ATP6V1C1: variants seen among roughly 807,000 people sequenced by gnomAD.
ATP6V1C1 encodes ATPase H+ transporting V1 subunit C1, also known as V-type proton ATPase subunit C 1.
In ATP6V1C1, 45 loss-of-function variants were observed where a neutral mutation model predicts 53.9. The observed-to-expected ratio is 0.83, with a 90% CI of 0.66 to 1.07. The LOEUF is 1.07. ATP6V1C1 is among the 50% of genes least tolerant of loss of function. The probability of loss-of-function intolerance (pLI) is 0.00; values close to 1 mark genes in which losing one functional copy is unlikely to be tolerated. For synonymous variants in ATP6V1C1, 153 were observed against 155.2 expected (o/e 0.99, Z 0.11); for missense variants, 315 against 440.3 (o/e 0.72, Z 2.55).
rs927077151 is a variant in ATP6V1C1, at chr8:103,045,807, G to A, written c.201-3063G>A. Among the ~76,000 whole-genome samples, 10 of 152,130 alleles carry A rather than the reference G, an allele frequency of 6.6e-5. 1 individual carries two copies. The highest frequency in any genetic ancestry group is 4.1e-4 in the South Asian group (2 of 4,826). ...ATACAAAAAATTATCCAGGTGTGGTGGCGGGCGCCTGTAGTCCCAGCTACT... is the reference window on the plus strand; with the variant it reads ...ATACAAAAAATTATCCAGGTGTGGTAGCGGGCGCCTGTAGTCCCAGCTACT... On this transcript the variant is annotated intron_variant, in intron 3 of 12. Coordinates refer to ENST00000518738, the MANE Select transcript of ATP6V1C1 (RefSeq NM_001695.5).
chr8:103,065,345 C>T (rs533533032), intron 11 of ATP6V1C1, among the ~76,000 whole-genome samples: 40 of 151,618 alleles, frequency 2.6e-4, no homozygotes, highest in South Asian at 6.3e-4. Context: ...TCACGAGGTC[C>T]GATTGAGACC....
Position 103,053,869 on chromosome 8 carries a change from GT to G in ATP6V1C1, c.474-11del. On this transcript the variant is annotated splice_polypyrimidine_tract_variant and intron_variant, in intron 6 of 12. Transcript: ENST00000518738. ...CACATAATTATCAGCCTAATGATTT[GT>G]TTTAATTCCTCAGAGGAAGTTTGCT... is the stretch of plus-strand genomic sequence containing the variant. 1 of 1,585,960 alleles carries G rather than the reference GT, an allele frequency of 6.3e-7. No individual in the cohort carries two copies.
At chr8:103,058,027 C>G (rs2454043) in intron 8 of ATP6V1C1, among the ~76,000 whole-genome samples, 4 of 151,910 alleles carry the variant, frequency 2.6e-5, no homozygotes, top group African/African-American at 9.7e-5. Flanking sequence ...CGTGGTGCAC[C>G]CAGAATGTCC....
At chr8:103,065,739 A>T (rs1287969534) in intron 11 of ATP6V1C1, among the ~76,000 whole-genome samples, 2 of 152,014 alleles carry the variant, frequency 1.3e-5, no homozygotes, top group Non-Finnish European at 2.9e-5. Context: ...ATATTCATAT[A>T]TTACCTTAAA....
intron 1 of ATP6V1C1, among the ~76,000 whole-genome samples, chr8:103,038,916 C>T (rs1350573825): frequency 6.6e-6 from 1 of 152,142 alleles, no homozygotes; most frequent in Non-Finnish European, 1.5e-5. Context: ...TCTGACCAGA[C>T]GGGCTGTCAC....
chr8:103,028,535 G>T (rs1429651240), intron 1 of ATP6V1C1, among the ~76,000 whole-genome samples: 5 of 152,136 alleles, frequency 3.3e-5, no homozygotes, highest in Non-Finnish European at 7.4e-5. Flanking sequence ...TGAAATTTGG[G>T]TGAATTACCT....
intron 1 of ATP6V1C1, among the ~76,000 whole-genome samples, chr8:103,022,893 T>TA (rs1436059760): frequency 4.0e-5 from 6 of 151,794 alleles, no homozygotes; most frequent in Non-Finnish European, 7.4e-5. Flanking sequence ...CTACCAAAAA[T>TA]AAAAAAATAA....
At chr8:103,055,725 C>T in intron 7 of ATP6V1C1, 143 bp from the exon 8 acceptor site, 2 of 640,576 alleles carry the variant, frequency 3.1e-6, no homozygotes, top group Non-Finnish European at 2.6e-6. Context: ...AGTAGGAAAC[C>T]CGAATTTTTT....
chr8:103,059,251 C>T (rs531865680), intron 8 of ATP6V1C1, among the ~76,000 whole-genome samples: 133 of 152,168 alleles, frequency 8.7e-4, no homozygotes, highest in Non-Finnish European at 1.5e-3. Flanking sequence ...GTCAGTACCA[C>T]TTCAACCACA....
chr8:103,030,161 A>G (rs767248491), intron 1 of ATP6V1C1, among the ~76,000 whole-genome samples: 6 of 152,032 alleles, frequency 3.9e-5, no homozygotes, highest in Non-Finnish European at 8.8e-5. Flanking sequence ...TTTTTTTTAA[A>G]CAAAAATGAA....
intron 8 of ATP6V1C1, among the ~76,000 whole-genome samples, chr8:103,062,716 G>A (rs1465290890): frequency 1.3e-5 from 2 of 152,220 alleles, no homozygotes; most frequent in Non-Finnish European, 2.9e-5. Context: ...TGGAGTTAAT[G>A]TCTAATTTTG....
chr8:103,039,258 G>C (rs1304177833), intron 1 of ATP6V1C1, among the ~76,000 whole-genome samples: 1 of 152,154 alleles, frequency 6.6e-6, no homozygotes, highest in Non-Finnish European at 1.5e-5. Flanking sequence ...TCTATAAACA[G>C]TAGTTAGAAA....
chr8:103,047,464 A>ACACACAC (rs137856477), intron 3 of ATP6V1C1, among the ~76,000 whole-genome samples: 14 of 125,598 alleles, frequency 1.1e-4, no homozygotes, highest in Admixed American at 7.6e-4. Flanking sequence ...ACACACACAC[A>ACACACAC]TTTTTTTTTT....
rs1237150920 is a variant in ATP6V1C1 at position 103,070,131 on chromosome 8, C to A, written c.*1384C>A. The A allele has an allele frequency of 6.6e-6, 1 of 152,166 alleles. No homozygotes were observed. The highest frequency in any genetic ancestry group is 1.5e-5 in the Non-Finnish European group (1 of 68,030). 9.4% of individuals were successfully genotyped at this position (152,166 alleles called of 1,614,324 possible). ...GCTTAAGAGTATATCTAAGAGAATC[C>A]TTTGTGTCAGTGAAGCTGGAGCTAC... On this transcript the variant is annotated 3_prime_UTR_variant, in exon 13 of 13. Transcript: ENST00000518738.
rs142867785 is a variant in ATP6V1C1 at position 103,023,203 on chromosome 8, C to T, written c.-40+1978C>T. Among the ~76,000 whole-genome samples the T allele has an allele frequency of 7.3e-3, 1,104 of 151,442 alleles. 18 individuals are homozygous for T. The highest frequency in any genetic ancestry group is 0.026 in the African/African-American group (1,058 of 41,248). On this transcript the variant is annotated intron_variant, in intron 1 of 12. Coordinates refer to ENST00000518738, the MANE Select transcript of ATP6V1C1 (RefSeq NM_001695.5). ...AGGCAGGTGGAGAAAGCTGGGGTCA[C>T]GCCAAGCAGAGCTTTTATTCTAAAA...
At chr8:103,056,987 A>G (rs548750788) in intron 8 of ATP6V1C1, among the ~76,000 whole-genome samples, 4 of 151,734 alleles carry the variant, frequency 2.6e-5, no homozygotes, top group Non-Finnish European at 2.9e-5. Flanking sequence ...AGGGTCCGTC[A>G]CTGGTAGGGT....
Position 103,051,124 on chromosome 8 carries a change from A to G in ATP6V1C1, c.361A>G (p.Ile121Val), listed in dbSNP as rs1817193134. 1 of 1,606,426 alleles carries G rather than the reference A, an allele frequency of 6.2e-7. No homozygotes were observed. The highest frequency in any genetic ancestry group is 1.7e-5 in the Admixed American group (1 of 59,610). The change falls in exon 5 of 13, where the codon ATT (isoleucine) becomes GTT (valine). Residue 121 changes from isoleucine to valine, a missense_variant. Ile to Val is a conservative substitution (Grantham distance 29). Coordinates refer to ENST00000518738, the MANE Select transcript of ATP6V1C1 (RefSeq NM_001695.5). ...KYPIKQSLKN[I>V]SEIIAKGVTQ... ...TCCAATCAAGCAGTCCCTGAAAAAT[A>G]TTTCTGAAATAATTGCCAAGGTAAG...
chr8:103,023,519 T>G (rs1321040303), intron 1 of ATP6V1C1, among the ~76,000 whole-genome samples: 1 of 152,102 alleles, frequency 6.6e-6, no homozygotes. Context: ...TAGTCGTAAC[T>G]ACCCTCGAGG....
intron 3 of ATP6V1C1, among the ~76,000 whole-genome samples, chr8:103,047,968 A>G (rs1250576881): frequency 4.6e-5 from 7 of 152,088 alleles, no homozygotes; most frequent in Non-Finnish European, 4.4e-5. Flanking sequence ...ATATTTTTGG[A>G]TCTTTCCAAT....
Sources: allele counts gnomAD v4.1 joint callset (sites outside exome capture counted in the v4.1 genomes callset), GRCh38; gene constraint gnomAD v4.1.1; transcripts MANE v1.5; gene names NCBI Gene and HGNC (gene_info 2026-07-23, HGNC 2026-07-21).